LRP1B: variants seen among roughly 807,000 people sequenced by gnomAD.
The protein encoded by LRP1B is low-density lipoprotein receptor-related protein 1B.
LRP1B carries 217 observed loss-of-function variants against 556.6 expected under a neutral mutation model. That is an observed-to-expected ratio of 0.39 (90% CI 0.35 to 0.44). The LOEUF is 0.44. LRP1B is among the 20% of genes least tolerant of loss of function. The pLI is 1.00. For missense variants in LRP1B, 5,053 were observed against 5,620.8 expected, an observed-to-expected ratio of 0.90 and a Z score of 3.23; for synonymous variants, 2,047 against 1,865.8, an observed-to-expected ratio of 1.10 and a Z score of -2.50.
At chr2:140,675,286 G>T (rs1439604121) in intron 41 of LRP1B, among the ~76,000 whole-genome samples, 1 of 152,150 alleles carries the variant, frequency 6.6e-6, no homozygotes, top group East Asian at 1.9e-4. Flanking sequence ...TAGTTAAGTT[G>T]ACATATAAAA....
At chr2:141,481,646 C>T (rs914471415) in intron 2 of LRP1B, among the ~76,000 whole-genome samples, 2 of 152,110 alleles carry the variant, frequency 1.3e-5, no homozygotes, top group East Asian at 1.9e-4. Context: ...CTGAGCACTG[C>T]GATGTAGGCT....
At chr2:142,030,415 A>G (rs1478307761) in intron 1 of LRP1B, among the ~76,000 whole-genome samples, 1 of 151,912 alleles carries the variant, frequency 6.6e-6, no homozygotes, top group Admixed American at 6.6e-5. Context: ...TTTAGTAATG[A>G]TTTTCATCCT....
intron 1 of LRP1B, among the ~76,000 whole-genome samples, chr2:142,111,078 C>T (rs1053623690): frequency 2.6e-5 from 4 of 152,250 alleles, no homozygotes; most frequent in Admixed American, 1.3e-4. Flanking sequence ...CTCTCCTATT[C>T]TAAACTTCAC....
intron 1 of LRP1B, among the ~76,000 whole-genome samples, chr2:142,120,402 A>G (rs1707419339): frequency 6.6e-6 from 1 of 152,148 alleles, no homozygotes; most frequent in Admixed American, 6.5e-5. Flanking sequence ...GTGAGCCACC[A>G]TGCCCGGCCT....
At chr2:140,393,816 CT>C (rs1684131353) in intron 66 of LRP1B, among the ~76,000 whole-genome samples, 1 of 152,136 alleles carries the variant, frequency 6.6e-6, no homozygotes, top group Non-Finnish European at 1.5e-5. Flanking sequence ...GGCAAACTTT[CT>C]TTTGTAGAAG....
At chr2:140,634,196 C>T (rs534908626) in intron 41 of LRP1B, among the ~76,000 whole-genome samples, 1 of 152,160 alleles carries the variant, frequency 6.6e-6, no homozygotes, top group South Asian at 2.1e-4. Context: ...AAAGGAAAAA[C>T]ATGATCATAT....
chr2:141,554,372 A>G (rs541813600), intron 2 of LRP1B, among the ~76,000 whole-genome samples: 2 of 149,798 alleles, frequency 1.3e-5, no homozygotes, highest in South Asian at 4.2e-4. Flanking sequence ...TATAGATTAT[A>G]TATCTATAGG....
chr2:140,562,616 T>A (rs1378586808), intron 43 of LRP1B, among the ~76,000 whole-genome samples: 2 of 150,154 alleles, frequency 1.3e-5, no homozygotes, highest in Non-Finnish European at 2.9e-5. Flanking sequence ...TTCTTTTCTG[T>A]TATTTATTTA....
chr2:140,475,110 A>C, intron 60 of LRP1B, 28 bp downstream of exon 60: 1 of 1,203,812 alleles, frequency 8.3e-7, no homozygotes, highest in Non-Finnish European at 1.1e-6. Context: ...CTGGTAAAAT[A>C]CTAGAATATT....
At chr2:142,000,266 G>T (rs1191345838) in intron 1 of LRP1B, among the ~76,000 whole-genome samples, 1 of 152,082 alleles carries the variant, frequency 6.6e-6, no homozygotes, top group Non-Finnish European at 1.5e-5. Flanking sequence ...ACCATTGAAT[G>T]GACTTCCTTG....
chr2:141,779,639 T>C (rs1381913498), intron 2 of LRP1B, among the ~76,000 whole-genome samples: 1 of 151,974 alleles, frequency 6.6e-6, no homozygotes, highest in Non-Finnish European at 1.5e-5. Context: ...TTTAAAATGG[T>C]TATTCCATTA....
intron 5 of LRP1B, among the ~76,000 whole-genome samples, chr2:141,240,858 T>A (rs1027370232): frequency 9.9e-5 from 15 of 152,110 alleles, no homozygotes; most frequent in Non-Finnish European, 1.6e-4. Flanking sequence ...AAGACATGCT[T>A]TTTTTCCATG....
rs118063964 is a variant in LRP1B, at chr2:141,274,262, T to G, written c.344-19621A>C. Among the ~76,000 whole-genome samples the G allele has an allele frequency of 5.5e-4, 83 of 152,282 alleles. No homozygotes were observed. In the East Asian group the frequency reaches 0.013, roughly 24 times the overall value. ...ACAAAAACTTGTATATGAATATTCATAGCAGAGTTACTTACAGTAGCCAAA... is the reference window on the plus strand; with the variant it reads ...ACAAAAACTTGTATATGAATATTCAGAGCAGAGTTACTTACAGTAGCCAAA... On this transcript the variant is annotated intron_variant, in intron 3 of 90. Coordinates refer to ENST00000389484, the MANE Select transcript of LRP1B (RefSeq NM_018557.3).
intron 30 of LRP1B, among the ~76,000 whole-genome samples, chr2:140,840,491 T>C (rs905876538): frequency 6.6e-6 from 1 of 152,144 alleles, no homozygotes; most frequent in Non-Finnish European, 1.5e-5. Flanking sequence ...GAGAAAAACA[T>C]CTCTTTTAGC....
At chr2:141,280,960 A>G (rs1685487414) in intron 3 of LRP1B, among the ~76,000 whole-genome samples, 1 of 151,960 alleles carries the variant, frequency 6.6e-6, no homozygotes, top group Admixed American at 6.6e-5. Context: ...ATATTTTCAT[A>G]AATTTGCCTG....
At chr2:141,974,876 T>G (rs944966214) in intron 1 of LRP1B, among the ~76,000 whole-genome samples, 2 of 152,134 alleles carry the variant, frequency 1.3e-5, no homozygotes, top group Admixed American at 6.6e-5. Flanking sequence ...GTAAATAAAT[T>G]CAAATTACTT....
At chr2:141,457,647 G>A (rs556882214) in intron 3 of LRP1B, among the ~76,000 whole-genome samples, 2 of 27,812 alleles carry the variant, frequency 7.2e-5, no homozygotes, top group East Asian at 2.6e-3. Flanking sequence ...AATTTGACAT[G>A]TCTGTGGGGG....
chr2:142,100,954 G>T (rs1260049372), intron 1 of LRP1B, among the ~76,000 whole-genome samples: 1 of 151,978 alleles, frequency 6.6e-6, no homozygotes, highest in South Asian at 2.1e-4. Flanking sequence ...ACAAGGAAAA[G>T]AAAGAGAAAG....
At chr2:140,932,050 T>A (rs1346639) in intron 20 of LRP1B, among the ~76,000 whole-genome samples, 14,224 of 152,202 alleles carry the variant, frequency 0.093, 923 homozygotes, top group East Asian at 0.26. Context: ...CAAAAGATAT[T>A]ATTTAATTTG....
Sources: allele counts gnomAD v4.1 joint callset (sites outside exome capture counted in the v4.1 genomes callset), GRCh38; gene constraint gnomAD v4.1.1; transcripts MANE v1.5; gene names NCBI Gene and HGNC (gene_info 2026-07-23, HGNC 2026-07-21).